The following PUM2 variants were observed in gnomAD, a reference collection of about 807,000 sequenced individuals.
PUM2 encodes pumilio RNA binding family member 2.
PUM2 carries 57 observed loss-of-function variants against 124.5 expected under a neutral mutation model. The observed-to-expected ratio is 0.46, with a 90% CI of 0.37 to 0.57. The LOEUF is 0.57. Among genes scored for constraint, PUM2 ranks in the 20% least tolerant of loss-of-function variants. PUM2 has a pLI of 0.00. For missense variants in PUM2, 1,065 were observed against 1,290.6 expected (o/e 0.83, Z 2.68); for synonymous variants, 460 against 446.1 (o/e 1.03, Z -0.39).
At position 20,256,520 on chromosome 2, in the gene PUM2, G is replaced by A. The variant is rs559088920; in HGVS notation, c.2485-350C>T. Among the ~76,000 whole-genome samples the A allele has an allele frequency of 2.6e-5, 4 of 152,138 alleles. No individual in the cohort carries two copies. In the South Asian group the frequency reaches 8.3e-4, roughly 32 times the overall value. ...TGTAAATCATCCGCTAATATTTATCGGGCGGTAACTAACATGACTAATTCA... is the reference window on the plus strand; with the variant it reads ...TGTAAATCATCCGCTAATATTTATCAGGCGGTAACTAACATGACTAATTCA... On this transcript the variant is annotated intron_variant, in intron 16 of 20. Coordinates refer to ENST00000361078, the MANE Select transcript of PUM2 (RefSeq NM_015317.5).
chr2:20,261,524 CTTGT>C (rs1164101480), intron 14 of PUM2, among the ~76,000 whole-genome samples: 2 of 137,792 alleles, frequency 1.5e-5, no homozygotes, highest in African/African-American at 2.7e-5. Flanking sequence ...GTGTATTCCA[CTTGT>C]TTAAAAAAAA....
intron 6 of PUM2, 56 bp downstream of exon 6, chr2:20,308,258 A>G: frequency 6.4e-7 from 1 of 1,559,158 alleles, no homozygotes; most frequent in Non-Finnish European, 8.7e-7. Context: ...ATAGCACTTC[A>G]GGCTAAACCA....
intron 18 of PUM2, 74 bp downstream of exon 18, chr2:20,255,142 A>G (rs1488419133): frequency 6.6e-7 from 1 of 1,506,210 alleles, no homozygotes; most frequent in African/African-American, 1.4e-5. Context: ...TTTAGTAACA[A>G]ATTGTATTTC....
chr2:20,299,894 AT>A (rs1676543964), intron 7 of PUM2, among the ~76,000 whole-genome samples: 1 of 152,184 alleles, frequency 6.6e-6, no homozygotes, highest in South Asian at 2.1e-4. Flanking sequence ...ACATTTTAAA[AT>A]TTTCTGGTTG....
chr2:20,350,090 C>CACAAA (rs1573070179), intron 1 of PUM2: 2 of 152,242 alleles, frequency 1.3e-5, no homozygotes, highest in African/African-American at 2.4e-5. Flanking sequence ...CAAGGCGAAT[C>CACAAA]CAAGTCACTG....
chr2:20,258,186 T>A (rs1665273422), intron 16 of PUM2, 57 bp downstream of exon 16: 3 of 1,420,060 alleles, frequency 2.1e-6, no homozygotes, highest in Non-Finnish European at 1.9e-6. Flanking sequence ...TAAAAACATG[T>A]AATAATTTAA....
chr2:20,253,203 T>A (rs1663883531), intron 20 of PUM2, among the ~76,000 whole-genome samples: 1 of 152,140 alleles, frequency 6.6e-6, no homozygotes, highest in African/African-American at 2.4e-5. Context: ...GAATTTCTTT[T>A]GAATGACTGA....
At chr2:20,299,326 G>A (rs1676396506) in intron 7 of PUM2, among the ~76,000 whole-genome samples, 1 of 152,022 alleles carries the variant, frequency 6.6e-6, no homozygotes, top group African/African-American at 2.4e-5. Flanking sequence ...CACACATTTG[G>A]TCACAGAAGT....
At chr2:20,252,336 AG>A (rs1308717903) in intron 20 of PUM2, among the ~76,000 whole-genome samples, 1 of 152,138 alleles carries the variant, frequency 6.6e-6, no homozygotes, top group African/African-American at 2.4e-5. Context: ...GGCTTGAGCC[AG>A]GAAGTTGAGG....
rs182330268 is a variant in PUM2, at chr2:20,344,269, C to T, written c.-19+6328G>A. On this transcript the variant is annotated intron_variant, in intron 1 of 20. Coordinates refer to ENST00000361078, the MANE Select transcript of PUM2 (RefSeq NM_015317.5). ...TTCTTATTGAGATGGGGTTTCACCA[C>T]GTTGCCCAGGCTGGTCTCAAATGCC... Among the ~76,000 whole-genome samples the T allele has an allele frequency of 2.4e-4, 37 of 152,206 alleles. No individual in the cohort carries two copies. The East Asian group carries it at 5.0e-3, about 21-fold the overall frequency.
rs1481969795 is a variant in PUM2 at position 20,260,346 on chromosome 2, C to T, written c.2346G>A (p.Lys782=). 6.2e-7 allele frequency: 1 copy of T among 1,608,570 alleles called. No individual in the cohort carries two copies. The highest frequency in any genetic ancestry group is 8.5e-7 in the Non-Finnish European group (1 of 1,177,068). ...ATGCATGAATCCTTACCTCAAAAAA[C>T]TTCTGTATAACATAGTTGCCAAAAA... ...TDVFGNYVIQ[K]FFEFGSLDQK... Residue 782 remains lysine, a synonymous_variant, in exon 15 of 21, where the codon AAG becomes AAA. Coordinates refer to ENST00000361078, the MANE Select transcript of PUM2 (RefSeq NM_015317.5).
chr2:20,348,720 G>A (rs1688728901), intron 1 of PUM2, among the ~76,000 whole-genome samples: 1 of 152,048 alleles, frequency 6.6e-6, no homozygotes, highest in Admixed American at 6.5e-5. Flanking sequence ...GCTTGAGATC[G>A]GAGTTCAGCC....
intron 9 of PUM2, among the ~76,000 whole-genome samples, 174 bp from the exon 10 acceptor site, chr2:20,290,964 C>T (rs1017074022): frequency 6.6e-6 from 1 of 152,080 alleles, no homozygotes; most frequent in African/African-American, 2.4e-5. Flanking sequence ...ATCAAAAACA[C>T]AATCACTAGC....
At chr2:20,351,289 A>G (rs968822268), upstream of PUM2, among the ~76,000 whole-genome samples, 4 of 152,180 alleles carry the variant, frequency 2.6e-5, no homozygotes. Flanking sequence ...GCTGGCGCCC[A>G]CAAGAGCCGG....
At chr2:20,314,179 A>G (rs933458205) in intron 3 of PUM2, among the ~76,000 whole-genome samples, 2 of 152,190 alleles carry the variant, frequency 1.3e-5, no homozygotes, top group Admixed American at 1.3e-4. Flanking sequence ...ACAATAAAAT[A>G]AAATAAACTT....
At position 20,272,096 on chromosome 2, in the gene PUM2, G is replaced by A. The variant is rs545259052; in HGVS notation, c.1957+6487C>T. On this transcript the variant is annotated intron_variant, in intron 13 of 20. Coordinates refer to ENST00000361078, the MANE Select transcript of PUM2 (RefSeq NM_015317.5). ...ATCGCTTGAACCTGGGAGACAGGCTGCAGTGAGCTGAAATCGCACCATTGC... is the reference window on the plus strand; with the variant it reads ...ATCGCTTGAACCTGGGAGACAGGCTACAGTGAGCTGAAATCGCACCATTGC... Among the ~76,000 whole-genome samples the A allele has an allele frequency of 2.0e-5, 3 of 151,936 alleles. No individual in the cohort carries two copies. In the East Asian group the frequency reaches 5.8e-4, roughly 29 times the overall value.
intron 7 of PUM2, among the ~76,000 whole-genome samples, chr2:20,306,984 G>C (rs562100770): frequency 1.0e-3 from 159 of 151,986 alleles, no homozygotes; most frequent in African/African-American, 3.0e-3. Flanking sequence ...GAGGCCGAGG[G>C]GGGGCTGATC....
At chr2:20,302,771 G>C (rs747502373) in intron 7 of PUM2, among the ~76,000 whole-genome samples, 49 of 152,182 alleles carry the variant, frequency 3.2e-4, no homozygotes, top group Non-Finnish European at 5.9e-4. Flanking sequence ...GATATGAAAA[G>C]AAAGAATTTG....
At chr2:20,259,521 A>G (rs1237745941) in intron 15 of PUM2, among the ~76,000 whole-genome samples, 2 of 152,238 alleles carry the variant, frequency 1.3e-5, no homozygotes, top group East Asian at 1.9e-4. Flanking sequence ...ATACTGGTAG[A>G]TCACTATCAA....
Sources: allele counts gnomAD v4.1 joint callset (sites outside exome capture counted in the v4.1 genomes callset), GRCh38; gene constraint gnomAD v4.1.1; transcripts MANE v1.5; gene names NCBI Gene and HGNC (gene_info 2026-07-23, HGNC 2026-07-21).